The following MACROD2 variants were observed in gnomAD, a reference collection of about 807,000 sequenced individuals.
MACROD2 encodes the protein ADP-ribose glycohydrolase MACROD2.
A neutral mutation model predicts 70.4 loss-of-function variants in MACROD2; 36 were observed. The ratio of observed to expected loss-of-function variants is 0.51; its 90% CI spans 0.39 to 0.68. MACROD2 has a LOEUF of 0.68. Among genes scored for constraint, MACROD2 ranks in the 30% least tolerant of loss-of-function variants. The probability of loss-of-function intolerance (pLI) is 0.00; values close to 1 mark genes in which losing one functional copy is unlikely to be tolerated. For missense variants in MACROD2, 496 were observed against 538.4 expected (o/e 0.92, Z 0.78); for synonymous variants, 172 against 178.8 (o/e 0.96, Z 0.30).
chr20:15,827,450 G>A (rs1259328459), intron 8 of MACROD2, among the ~76,000 whole-genome samples: 1 of 152,068 alleles, frequency 6.6e-6, no homozygotes, highest in Non-Finnish European at 1.5e-5. Context: ...ATTGCAAGAA[G>A]TTTCTTCAAA....
intron 5 of MACROD2, among the ~76,000 whole-genome samples, chr20:14,929,168 T>A (rs1233339861): frequency 6.6e-6 from 1 of 152,158 alleles, no homozygotes; most frequent in Non-Finnish European, 1.5e-5. Context: ...GTCCTATAAT[T>A]TAATTCAGTT....
Position 14,085,862 on chromosome 20 carries a change from A to G in MACROD2, c.271+134A>G, listed in dbSNP as rs1331188828. The G allele has an allele frequency of 2.7e-5, 14 of 510,522 alleles. No individual in the cohort carries two copies. The East Asian group carries it at 3.9e-4, about 14-fold the overall frequency. The allele number at this position is 510,522 out of a possible 1,614,324, so 31.6% of individuals were successfully genotyped here. On this transcript the variant is annotated intron_variant, in intron 3 of 17. Coordinates refer to ENST00000684519, the MANE Select transcript of MACROD2 (RefSeq NM_001351661.2). ...AATGTCTATTCTGTTTCTCTTCTTGATTAAAAACATTGGAGATCTATTTTT... is the reference window on the plus strand; with the variant it reads ...AATGTCTATTCTGTTTCTCTTCTTGGTTAAAAACATTGGAGATCTATTTTT...
chr20:15,194,787 A>G (rs2076594499), intron 5 of MACROD2, among the ~76,000 whole-genome samples: 1 of 152,130 alleles, frequency 6.6e-6, no homozygotes, highest in African/African-American at 2.4e-5. Flanking sequence ...GAAGGAAGAA[A>G]AACACTTTTC....
In MACROD2 at chr20:15,454,656, AGTCACGCTGGCTCTCTTCATAAAT is replaced by A. The variant is rs1299070407; in HGVS notation, c.571+23222_571+23245del. On this transcript the variant is annotated intron_variant, in intron 7 of 17. Transcript: ENST00000684519. The stretch of plus-strand genomic sequence containing the variant: ...TAACATTCCAGGCCAAGTTTCCAGC[AGTCACGCTGGCTCTCTTCATAAAT>A]CTGTAAAATAAAAATGAGCTTTCTC... 2.8e-4 allele frequency among the ~76,000 whole-genome samples: 36 copies of A among 130,676 alleles called. 8 individuals are homozygous for A. Among genetic ancestry groups the A allele is most frequent in the South Asian group, 5.5e-4 (2 of 3,650 alleles). 85.7% of individuals were successfully genotyped at this position (130,676 alleles called of 152,430 possible).
intron 4 of MACROD2, among the ~76,000 whole-genome samples, chr20:14,565,578 T>C (rs1385021370): frequency 6.6e-6 from 1 of 151,930 alleles, no homozygotes; most frequent in African/African-American, 2.4e-5. Context: ...CATGTTTCAA[T>C]AGTTGGTTCT....
chr20:14,387,795 C>A (rs1291470017), intron 3 of MACROD2, among the ~76,000 whole-genome samples: 2 of 152,106 alleles, frequency 1.3e-5, no homozygotes, highest in Non-Finnish European at 2.9e-5. Context: ...CCTTTACACT[C>A]TCCTCATGTT....
chr20:14,938,767 TCAAAACAAAA>T (rs372863450), intron 5 of MACROD2, among the ~76,000 whole-genome samples: 6 of 151,858 alleles, frequency 4.0e-5, no homozygotes, highest in East Asian at 1.9e-4. Context: ...GGTGACTGTC[TCAAAACAAAA>T]CAAAACAAAA....
intron 4 of MACROD2, among the ~76,000 whole-genome samples, chr20:14,633,119 G>A (rs1055969860): frequency 2.0e-5 from 3 of 152,202 alleles, no homozygotes; most frequent in African/African-American, 4.8e-5. Context: ...GTGGCCACTC[G>A]CCTTCTTTGG....
chr20:15,766,934 C>T (rs1435091389), intron 8 of MACROD2, among the ~76,000 whole-genome samples: 1 of 152,168 alleles, frequency 6.6e-6, no homozygotes, highest in African/African-American at 2.4e-5. Flanking sequence ...GAGGGCGAGC[C>T]CCCTTGCACA....
At chr20:14,006,880 G>C (rs2052830950) in intron 2 of MACROD2, among the ~76,000 whole-genome samples, 1 of 152,072 alleles carries the variant, frequency 6.6e-6, no homozygotes, top group Admixed American at 6.5e-5. Flanking sequence ...CCAGAGGTTT[G>C]TTCAGAGTGG....
chr20:15,359,211 A>G (rs1469988647), intron 6 of MACROD2, among the ~76,000 whole-genome samples: 1 of 152,166 alleles, frequency 6.6e-6, no homozygotes, highest in Non-Finnish European at 1.5e-5. Context: ...CTCATCTTCC[A>G]TAGTCGTTTC....
At chr20:14,621,506 C>A (rs1205882191) in intron 4 of MACROD2, among the ~76,000 whole-genome samples, 1 of 151,996 alleles carries the variant, frequency 6.6e-6, no homozygotes, top group African/African-American at 2.4e-5. Context: ...CTCATACAGC[C>A]CTATGTTTCA....
At chr20:14,145,870 T>A (rs2054936253) in intron 3 of MACROD2, among the ~76,000 whole-genome samples, 1 of 152,204 alleles carries the variant, frequency 6.6e-6, no homozygotes, top group Non-Finnish European at 1.5e-5. Context: ...TTAATTAAAA[T>A]CAATATTAAC....
chr20:14,826,841 G>A (rs7265566), intron 5 of MACROD2, among the ~76,000 whole-genome samples: 38,602 of 151,946 alleles, frequency 0.25, 5,304 homozygotes, highest in African/African-American at 0.33. Flanking sequence ...TATAATTTTA[G>A]CAATTCAGAT....
chr20:14,455,249 CTTTA>C (rs1159375657), intron 3 of MACROD2, among the ~76,000 whole-genome samples: 1 of 151,752 alleles, frequency 6.6e-6, no homozygotes, highest in Non-Finnish European at 1.5e-5. Context: ...AAGTTGAAAA[CTTTA>C]TTTACTCTCA....
intron 6 of MACROD2, among the ~76,000 whole-genome samples, chr20:15,374,822 G>A (rs917196911): frequency 6.6e-6 from 1 of 152,156 alleles, no homozygotes; most frequent in South Asian, 2.1e-4. Context: ...ATGTTTGCTG[G>A]TAGTAATAAA....
intron 5 of MACROD2, among the ~76,000 whole-genome samples, chr20:14,874,532 C>T (rs182944843): frequency 2.0e-5 from 3 of 151,508 alleles, no homozygotes; most frequent in East Asian, 1.9e-4. Flanking sequence ...AATAAGCAAG[C>T]ATTGAGCAAG....
At chr20:15,310,620 G>C (rs1400622577) in intron 6 of MACROD2, among the ~76,000 whole-genome samples, 2 of 152,138 alleles carry the variant, frequency 1.3e-5, no homozygotes, top group Non-Finnish European at 2.9e-5. Context: ...TGAGGATTGA[G>C]AAAATACATA....
chr20:14,433,751 G>T (rs925242370), intron 3 of MACROD2, among the ~76,000 whole-genome samples: 1 of 152,056 alleles, frequency 6.6e-6, no homozygotes, highest in Non-Finnish European at 1.5e-5. Context: ...TTAATATTCT[G>T]CAAGTGGCTG....
Sources: allele counts gnomAD v4.1 joint callset (sites outside exome capture counted in the v4.1 genomes callset), GRCh38; gene constraint gnomAD v4.1.1; transcripts MANE v1.5; gene names NCBI Gene and HGNC (gene_info 2026-07-23, HGNC 2026-07-21).